Variants in SYT1 observed in about 807,000 individuals in gnomAD.
SYT1 encodes the protein synaptotagmin 1, also known as synaptotagmin-1.
A neutral mutation model predicts 44.8 loss-of-function variants in SYT1; 8 were observed. The observed-to-expected ratio is 0.18, with a 90% CI of 0.10 to 0.32. The LOEUF is 0.32. SYT1 is among the 10% of genes least tolerant of loss of function. SYT1 has a pLI of 1.00. For missense variants in SYT1, 286 were observed against 509.3 expected (o/e 0.56, Z 4.22); for synonymous variants, 154 against 188.8 (o/e 0.82, Z 1.51).
chr12:79,259,775 T>C (rs1019646489), intron 4 of SYT1, among the ~76,000 whole-genome samples: 2 of 152,186 alleles, frequency 1.3e-5, no homozygotes, highest in African/African-American at 2.4e-5. Flanking sequence ...CAGAAGGGAC[T>C]TGATTATGTG....
At chr12:79,300,827 A>G (rs1473926101) in intron 8 of SYT1, among the ~76,000 whole-genome samples, 3 of 128,596 alleles carry the variant, frequency 2.3e-5, no homozygotes, top group Non-Finnish European at 4.9e-5. Context: ...ATATATATTT[A>G]CTGTCTCAAT....
intron 2 of SYT1, among the ~76,000 whole-genome samples, chr12:78,984,151 A>C (rs1869479189): frequency 6.6e-6 from 1 of 151,936 alleles, no homozygotes; most frequent in Admixed American, 6.6e-5. Flanking sequence ...AGAATTATTA[A>C]GAAATTTGTA....
At chr12:79,105,645 C>T (rs1401254001) in intron 3 of SYT1, among the ~76,000 whole-genome samples, 4 of 152,270 alleles carry the variant, frequency 2.6e-5, no homozygotes, top group African/African-American at 9.6e-5. Context: ...CTTTGGTAGG[C>T]CGAGGCAGAC....
chr12:78,999,307 A>G (rs1870575578), intron 2 of SYT1, among the ~76,000 whole-genome samples: 2 of 152,124 alleles, frequency 1.3e-5, no homozygotes, highest in African/African-American at 4.8e-5. Context: ...TGATGGTGTT[A>G]TTTGTCAAGA....
chr12:79,139,697 G>T (rs1869436741), intron 3 of SYT1, among the ~76,000 whole-genome samples: 1 of 152,176 alleles, frequency 6.6e-6, no homozygotes, highest in African/African-American at 2.4e-5. Flanking sequence ...CATAGACTAA[G>T]TTGGAGTGCT....
At chr12:79,416,596 T>TA (rs1180827878) in intron 9 of SYT1, among the ~76,000 whole-genome samples, 5 of 152,164 alleles carry the variant, frequency 3.3e-5, no homozygotes, top group African/African-American at 7.2e-5. Context: ...AAATATCTTT[T>TA]AAAAAACTCA....
intron 3 of SYT1, among the ~76,000 whole-genome samples, chr12:79,114,210 A>G (rs1879159941): frequency 6.6e-6 from 1 of 152,202 alleles, no homozygotes; most frequent in Non-Finnish European, 1.5e-5. Context: ...AAGAGTTTCA[A>G]ACAAGGTCTT....
intron 1 of SYT1, among the ~76,000 whole-genome samples, chr12:78,939,255 C>T (rs973317559): frequency 3.9e-5 from 6 of 152,092 alleles, no homozygotes; most frequent in Non-Finnish European, 7.4e-5. Flanking sequence ...TAAAGAGAAT[C>T]GAGTTTTCAT....
intron 9 of SYT1, among the ~76,000 whole-genome samples, chr12:79,402,332 C>A (rs558208879): frequency 7.2e-5 from 11 of 152,246 alleles, no homozygotes; most frequent in African/African-American, 2.6e-4. Context: ...TGCAATTTCC[C>A]AGTCTCAATA....
intron 3 of SYT1, among the ~76,000 whole-genome samples, chr12:79,151,290 T>A (rs1203362271): frequency 5.3e-5 from 8 of 152,122 alleles, no homozygotes; most frequent in Non-Finnish European, 1.0e-4. Context: ...ATTATAAAGT[T>A]CCATATTTAC....
chr12:79,040,450 A>G (rs544032504), intron 2 of SYT1, among the ~76,000 whole-genome samples: 3 of 152,006 alleles, frequency 2.0e-5, no homozygotes, highest in African/African-American at 7.2e-5. Flanking sequence ...CATGTCCTTC[A>G]CCCACTTTTT....
At chr12:78,957,283 C>T (rs919784151) in intron 1 of SYT1, among the ~76,000 whole-genome samples, 1 of 152,136 alleles carries the variant, frequency 6.6e-6, no homozygotes, top group Admixed American at 6.6e-5. Flanking sequence ...TCCTGGGCAA[C>T]ATGGTGAGAG....
At chr12:79,305,280 G>A (rs1245345048) in intron 8 of SYT1, among the ~76,000 whole-genome samples, 4 of 152,020 alleles carry the variant, frequency 2.6e-5, no homozygotes, top group Admixed American at 1.3e-4. Context: ...TTTGAAGCAA[G>A]AATTAAAGCA....
intron 3 of SYT1, among the ~76,000 whole-genome samples, chr12:79,151,791 AGAG>A (rs1870289049): frequency 6.6e-6 from 1 of 152,200 alleles, no homozygotes; most frequent in Non-Finnish European, 1.5e-5. Context: ...AGGGCAGTAC[AGAG>A]GAGATGTAAT....
At chr12:78,893,358 G>T (rs757470004) in intron 1 of SYT1, among the ~76,000 whole-genome samples, 22 of 151,668 alleles carry the variant, frequency 1.5e-4, no homozygotes, top group Non-Finnish European at 2.8e-4. Flanking sequence ...ACATATTTTT[G>T]AATTAAACTT....
At chr12:79,100,819 T>C (rs1408582039) in intron 3 of SYT1, among the ~76,000 whole-genome samples, 3 of 152,130 alleles carry the variant, frequency 2.0e-5, no homozygotes, top group Admixed American at 2.0e-4. Flanking sequence ...TTAGAACACA[T>C]AAATGTATAA....
intron 9 of SYT1, among the ~76,000 whole-genome samples, chr12:79,397,812 T>C (rs1208605781): frequency 2.6e-5 from 4 of 152,210 alleles, no homozygotes; most frequent in African/African-American, 9.6e-5. Context: ...GATAGATTTT[T>C]CCGAGTATAT....
At chr12:78,927,121 C>T (rs1479779893) in intron 1 of SYT1, among the ~76,000 whole-genome samples, 1 of 152,132 alleles carries the variant, frequency 6.6e-6, no homozygotes, top group Non-Finnish European at 1.5e-5. Context: ...TGTAGCTCCT[C>T]AGGACCCAAG....
chr12:78,905,201 C>G (rs1875899573), intron 1 of SYT1, among the ~76,000 whole-genome samples: 1 of 152,132 alleles, frequency 6.6e-6, no homozygotes, highest in African/African-American at 2.4e-5. Context: ...TAACATGTTG[C>G]CATGATTTTA....
Sources: gnomAD v4.1 joint callset for allele counts (sites outside exome capture counted in the v4.1 genomes callset) on GRCh38, gnomAD v4.1.1 for gene constraint, MANE v1.5 for transcripts, NCBI Gene and HGNC (gene_info 2026-07-23, HGNC 2026-07-21) for gene names.